Variants in GARNL3 observed in about 807,000 individuals in gnomAD.
The protein encoded by GARNL3 is GTPase activating Rap/RanGAP domain like 3.
GARNL3 carries 63 observed loss-of-function variants against 125.0 expected under a neutral mutation model. That is an observed-to-expected ratio of 0.50 (90% CI 0.41 to 0.62). GARNL3 has a LOEUF of 0.62. GARNL3 is among the 20% of genes least tolerant of loss of function. The pLI is 0.00. For missense variants in GARNL3, 994 were observed against 1,244.0 expected (o/e 0.80, Z 3.02); for synonymous variants, 439 against 457.5 (o/e 0.96, Z 0.52).
At chr9:127,270,201 GC>G (rs2063792830) in intron 1 of GARNL3, among the ~76,000 whole-genome samples, 1 of 152,100 alleles carries the variant, frequency 6.6e-6, no homozygotes, top group South Asian at 2.1e-4. Flanking sequence ...CTATTGAATG[GC>G]CTGGTACCCT....
chr9:127,348,972 T>C lies in GARNL3; in HGVS notation c.1480T>C (p.Cys494Arg), dbSNP rs1454154131. The change falls in exon 17 of 28, where the codon TGT (cysteine) becomes CGT (arginine). Residue 494 changes from cysteine (C) to arginine (R), a missense_variant. Coordinates refer to ENST00000373387, the MANE Select transcript of GARNL3 (RefSeq NM_032293.5). ...FCSNFPHEAVCADPWGQALLV... is the reference protein window; with the variant it reads ...FCSNFPHEAVRADPWGQALLV... Reference sequence around the variant, plus strand: ...CAGTAATTTCCCTCATGAAGCCGTGTGTGCAGATCCCTGGGGCCAGGCCTT... The same window carrying C: ...CAGTAATTTCCCTCATGAAGCCGTGCGTGCAGATCCCTGGGGCCAGGCCTT... The C allele has an allele frequency of 6.2e-7, 1 of 1,614,010 alleles. No homozygotes were observed.
intron 4 of GARNL3, among the ~76,000 whole-genome samples, chr9:127,314,528 C>T (rs1175727377): frequency 2.0e-5 from 3 of 151,950 alleles, no homozygotes; most frequent in Non-Finnish European, 2.9e-5. Flanking sequence ...TCACCCCTTC[C>T]TTCCTCCCTC....
At chr9:127,333,245 G>T in intron 9 of GARNL3, 124 bp downstream of exon 9, 1 of 718,974 alleles carries the variant, frequency 1.4e-6, no homozygotes, top group East Asian at 2.7e-5. Context: ...GGAGGGAGGT[G>T]AGCTCCACAC....
At chr9:127,268,960 A>G (rs1588717445) in intron 1 of GARNL3, among the ~76,000 whole-genome samples, 1 of 152,282 alleles carries the variant, frequency 6.6e-6, no homozygotes, top group Non-Finnish European at 1.5e-5. Context: ...ATTCCGTTGT[A>G]TTGATACACC....
rs149120541 is a variant in GARNL3 at position 127,340,958 on chromosome 9, C to T, written c.1135+1207C>T. Among the ~76,000 whole-genome samples, 94 of 152,248 alleles carry T rather than the reference C, an allele frequency of 6.2e-4. 1 individual carries two copies. Among genetic ancestry groups the T allele is most frequent in the Non-Finnish European group, 1.2e-3 (83 of 68,004 alleles). ...AAGTCCTGGCCAGGCTGTTTGGTAG[C>T]CTCTCTTCCATAGGAAACCCCTCCC... On this transcript the variant is annotated intron_variant, in intron 13 of 27. Transcript: ENST00000373387.
chr9:127,338,370 G>A lies in GARNL3; in HGVS notation c.1028+209G>A, dbSNP rs528727985. On this transcript the variant is annotated intron_variant, in intron 12 of 27. Coordinates refer to ENST00000373387, the MANE Select transcript of GARNL3 (RefSeq NM_032293.5). ...CCATGAAGGAGACCTAGGGGTCAGG[G>A]TTAGTTTGATATTTTATTGTACTTT... Among the ~76,000 whole-genome samples, 46 of 152,272 alleles carry A rather than the reference G, an allele frequency of 3.0e-4. No homozygotes were observed. The South Asian group carries it at 6.0e-3, about 20-fold the overall frequency.
chr9:127,385,005 T>C lies in GARNL3; in HGVS notation c.2270-22T>C. 6.7e-7 allele frequency: 1 copy of C among 1,499,576 alleles called. No homozygotes were observed. Among genetic ancestry groups the C allele is most frequent in the Non-Finnish European group, 9.2e-7 (1 of 1,086,436 alleles). The allele number at this position is 1,499,576 out of a possible 1,614,324, so 92.9% of individuals were successfully genotyped here. ...GGCCACCAAGCCAGCAGCTGGGAGG[T>C]GACACTCCCGTTCCCTTGCAGTCTG... is the stretch of plus-strand genomic sequence containing the variant. On this transcript the variant is annotated intron_variant, in intron 23 of 27. Transcript: ENST00000373387. The surrounding 1 kb of genome is among the most constrained non-coding windows in gnomAD (Gnocchi z 4.1).
chr9:127,252,208 G>A (rs2063417320), intron 2 of GARNL3, among the ~76,000 whole-genome samples: 1 of 152,054 alleles, frequency 6.6e-6, no homozygotes, highest in African/African-American at 2.4e-5. Flanking sequence ...TTGTCAATTT[G>A]TCTTTTTCCA....
At chr9:127,339,861 G>T in intron 13 of GARNL3, 110 bp downstream of exon 13, 2 of 773,136 alleles carry the variant, frequency 2.6e-6, no homozygotes, top group East Asian at 2.5e-5. Context: ...AGCATTCCAT[G>T]TTCCGTTAAT....
chr9:127,382,331 A>G (rs528005016), intron 22 of GARNL3, among the ~76,000 whole-genome samples: 21 of 152,164 alleles, frequency 1.4e-4, no homozygotes, highest in Admixed American at 9.2e-4. Flanking sequence ...TAATAACTCC[A>G]TCTTTCATTG....
chr9:127,350,004 G>C (rs1301233113), intron 17 of GARNL3, among the ~76,000 whole-genome samples: 3 of 152,166 alleles, frequency 2.0e-5, no homozygotes, highest in Non-Finnish European at 4.4e-5. Context: ...CCTGCTGTGT[G>C]CCGGGGCCCC....
chr9:127,362,228 C>T (rs1490032364), intron 21 of GARNL3: 4 of 151,456 alleles, frequency 2.6e-5, no homozygotes, highest in Non-Finnish European at 5.9e-5. Context: ...ACCACCACAC[C>T]CGACTAATTT....
chr9:127,253,276 A>T (rs1187234907), intron 2 of GARNL3, among the ~76,000 whole-genome samples: 1 of 151,938 alleles, frequency 6.6e-6, no homozygotes, highest in African/African-American at 2.4e-5. Flanking sequence ...TTACAGAAGG[A>T]AAAAAAACAA....
chr9:127,384,947 A>T lies in GARNL3; in HGVS notation c.2270-80A>T. ...AGAGATGGAAGTTTCTAGAGAAGTGAGTGTGACTATGACACAGTCACAGCC... is the reference window on the plus strand; with the variant it reads ...AGAGATGGAAGTTTCTAGAGAAGTGTGTGTGACTATGACACAGTCACAGCC... On this transcript the variant is annotated intron_variant, in intron 23 of 27. Coordinates refer to ENST00000373387, the MANE Select transcript of GARNL3 (RefSeq NM_032293.5). The surrounding 1 kb of genome is among the most constrained non-coding windows in gnomAD (Gnocchi z 4.0). The T allele has an allele frequency of 1.4e-6, 1 of 697,526 alleles. No homozygotes were observed. Among genetic ancestry groups the T allele is most frequent in the Non-Finnish European group, 2.4e-6 (1 of 409,566 alleles). 43.2% of individuals were successfully genotyped at this position (697,526 alleles called of 1,614,324 possible).
At position 127,385,107 on chromosome 9, in the gene GARNL3, A is replaced by G. The variant is rs1315422065; in HGVS notation, c.2350A>G (p.Thr784Ala). 4 of 1,610,506 alleles carry G rather than the reference A, an allele frequency of 2.5e-6. No individual in the cohort carries two copies. Among genetic ancestry groups the G allele is most frequent in the Non-Finnish European group, 3.4e-6 (4 of 1,178,064 alleles). ...GGTGGTGAACGGGAACCTGGTCCAC[A>G]CTGCAGTCGTGCCGCAGCTGCAGCT... ...RLVVNGNLVH[T>A]AVVPQLQLVA... Residue 784 changes from threonine (T) to alanine (A), a missense_variant, in exon 24 of 28, where the codon ACT (threonine) becomes GCT (alanine). This residue lies in a region of GARNL3 where 728 missense variants were observed against 865.7 expected (regional missense o/e 0.84). Transcript: ENST00000373387. The surrounding 1 kb of genome is among the most constrained non-coding windows in gnomAD (Gnocchi z 4.1).
At chr9:127,318,872 C>A (rs552733302) in intron 5 of GARNL3, among the ~76,000 whole-genome samples, 10 of 152,302 alleles carry the variant, frequency 6.6e-5, no homozygotes, top group African/African-American at 2.4e-4. Context: ...CTATTATTAT[C>A]TCCACTCCAC....
intron 14 of GARNL3, 60 bp from the exon 15 acceptor site, chr9:127,344,175 A>G (rs1830014094): frequency 5.9e-6 from 7 of 1,177,658 alleles, no homozygotes; most frequent in Non-Finnish European, 8.7e-6. Context: ...CACTATGAGA[A>G]GCCAAAAGAT....
intron 16 of GARNL3, 139 bp downstream of exon 16, chr9:127,345,616 T>C (rs1830095392): frequency 1.8e-6 from 1 of 546,908 alleles, no homozygotes; most frequent in African/African-American, 2.0e-5. Flanking sequence ...AAGCCCTAGA[T>C]AAAACTGAGT....
Position 127,393,425 on chromosome 9 carries a change from T to C in GARNL3, c.*171T>C, listed in dbSNP as rs575668247. The C allele has an allele frequency of 1.4e-4, 66 of 485,154 alleles. No individual in the cohort carries two copies. Among genetic ancestry groups the C allele is most frequent in the African/African-American group, 1.1e-3 (58 of 52,850 alleles). The allele number at this position is 485,154 out of a possible 1,614,324, so 30.1% of individuals were successfully genotyped here. On this transcript the variant is annotated 3_prime_UTR_variant, in exon 28 of 28. Coordinates refer to ENST00000373387, the MANE Select transcript of GARNL3 (RefSeq NM_032293.5). Reference sequence around the variant, plus strand: ...CCTCTCCAATGTCCGGTGCCATCTTTCCTGACCTTTGTTTCTTTCTGTTCA... The same window carrying C: ...CCTCTCCAATGTCCGGTGCCATCTTCCCTGACCTTTGTTTCTTTCTGTTCA...
Sources: allele counts gnomAD v4.1 joint callset (sites outside exome capture counted in the v4.1 genomes callset), GRCh38; gene constraint gnomAD v4.1.1; regional missense constraint gnomAD v4.1.1; non-coding constraint Gnocchi (gnomAD v3.1); transcripts MANE v1.5; gene names NCBI Gene and HGNC (gene_info 2026-07-23, HGNC 2026-07-21).